CDC45: variants seen among roughly 807,000 people sequenced by gnomAD.
CDC45 encodes cell division cycle 45.
Under a neutral mutation model 77.8 loss-of-function variants are expected in CDC45, and 54 were observed. The observed-to-expected ratio is 0.69, with a 90% CI of 0.56 to 0.87. The LOEUF is 0.87. CDC45 is among the 40% of genes least tolerant of loss of function. The probability of loss-of-function intolerance (pLI) is 0.00; values close to 1 mark genes in which losing one functional copy is unlikely to be tolerated. For missense variants in CDC45, 649 were observed against 721.6 expected (o/e 0.90, Z 1.15); for synonymous variants, 260 against 272.1 (o/e 0.96, Z 0.44).
chr22:19,514,843 C>T lies in CDC45; in HGVS notation c.1312C>T (p.Leu438Phe), dbSNP rs749711414. Reference sequence around the variant, plus strand: ...CATTGCCAGCTGCCTTTGCACCAACCTCGTCATCTCCCAGGGGCCTTTCCT... The same window carrying T: ...CATTGCCAGCTGCCTTTGCACCAACTTCGTCATCTCCCAGGGGCCTTTCCT... The part of the protein sequence containing the change: ...QTIASCLCTN[L>F]VISQGPFLYC... Residue 438 changes from leucine to phenylalanine, a missense_variant, in exon 14 of 19, where the codon CTC becomes TTC. Coordinates refer to ENST00000263201, the MANE Select transcript of CDC45 (RefSeq NM_003504.5). 1.2e-6 allele frequency: 2 copies of T among 1,614,208 alleles called. No individual in the cohort carries two copies. The highest frequency in any genetic ancestry group is 1.1e-5 in the South Asian group (1 of 91,090).
rs13447221 is a variant in CDC45, at chr22:19,495,661, A to T, written c.543-320A>T. On this transcript the variant is annotated intron_variant, in intron 6 of 18. Coordinates refer to ENST00000263201, the MANE Select transcript of CDC45 (RefSeq NM_003504.5). ...AGTGAGACTTTGTCTCTATTAAAAA[A>T]TTTTTTTAAAATTAGCTGGGTGTAG... Among the ~76,000 whole-genome samples, 283 of 152,284 alleles carry T rather than the reference A, an allele frequency of 1.9e-3. 2 individuals carry two copies. The highest frequency in any genetic ancestry group is 6.0e-3 in the African/African-American group (248 of 41,548).
chr22:19,518,804 C>G, intron 17 of CDC45, 40 bp from the exon 18 acceptor site: 1 of 1,558,492 alleles, frequency 6.4e-7, no homozygotes, highest in Non-Finnish European at 8.9e-7. Flanking sequence ...TGTGTTCCCA[C>G]TCCTCCCTTC....
intron 9 of CDC45, 142 bp from the exon 10 acceptor site, chr22:19,505,220 T>C (rs1258295250): frequency 1.1e-6 from 1 of 875,248 alleles, no homozygotes; most frequent in Non-Finnish European, 1.8e-6. Context: ...GCAGGCTGCA[T>C]GTCCTTAGTC....
At chr22:19,507,130 CTT>C (rs372678497) in intron 10 of CDC45, among the ~76,000 whole-genome samples, 1 of 152,158 alleles carries the variant, frequency 6.6e-6, no homozygotes, top group African/African-American at 2.4e-5. Flanking sequence ...AGCACCTGGA[CTT>C]TGCAGACCCC....
intron 4 of CDC45, among the ~76,000 whole-genome samples, chr22:19,483,268 TA>T (rs1408827183): frequency 6.6e-6 from 1 of 152,052 alleles, no homozygotes; most frequent in Non-Finnish European, 1.5e-5. Flanking sequence ...CCGTCTCTAC[TA>T]AAAATACAAA....
intron 9 of CDC45, among the ~76,000 whole-genome samples, chr22:19,501,848 G>A (rs1291829566): frequency 4.6e-5 from 7 of 152,072 alleles, no homozygotes; most frequent in African/African-American, 7.2e-5. Context: ...CCATGTAGCC[G>A]GGACTACAGG....
intron 17 of CDC45, among the ~76,000 whole-genome samples, chr22:19,518,453 C>A (rs191620846): frequency 6.6e-6 from 1 of 152,162 alleles, no homozygotes; most frequent in East Asian, 1.9e-4. Flanking sequence ...ACACTGAAGC[C>A]GAGGAATTGG....
At chr22:19,488,713 T>C (rs1001723303) in intron 5 of CDC45, among the ~76,000 whole-genome samples, 2 of 152,192 alleles carry the variant, frequency 1.3e-5, no homozygotes, top group African/African-American at 4.8e-5. Flanking sequence ...TTAACAAATG[T>C]ATAAAGATGC....
chr22:19,481,063 T>A lies in CDC45; in HGVS notation c.204+18T>A, dbSNP rs2089973149. 2 of 1,518,366 alleles carry A rather than the reference T, an allele frequency of 1.3e-6. No individual in the cohort carries two copies. The highest frequency in any genetic ancestry group is 2.3e-5 in the South Asian group (2 of 88,078). The allele number at this position is 1,518,366 out of a possible 1,614,324, so 94.1% of individuals were successfully genotyped here. A position where few individuals can be genotyped will look rare whatever the true frequency, so the allele number is the denominator to read the frequency against. On this transcript the variant is annotated intron_variant, in intron 3 of 18. Coordinates refer to ENST00000263201, the MANE Select transcript of CDC45 (RefSeq NM_003504.5). The stretch of plus-strand genomic sequence containing the variant: ...AAGAACAGGTATTGAAGATGCGTTT[T>A]AGAATAACGTGGCTTTTTACTCAAT...
intron 13 of CDC45, among the ~76,000 whole-genome samples, chr22:19,511,485 C>T (rs73162627): frequency 0.047 from 7,135 of 152,058 alleles, 221 homozygotes; most frequent in Middle Eastern, 0.15. Flanking sequence ...CATGAGCTAC[C>T]ACACCTGCTA....
At chr22:19,511,947 G>A (rs546004174) in intron 13 of CDC45, among the ~76,000 whole-genome samples, 1 of 141,026 alleles carries the variant, frequency 7.1e-6, no homozygotes, top group Non-Finnish European at 1.5e-5. Context: ...TTGAGACAGG[G>A]TCTTACTCTG....
chr22:19,489,377 C>T, intron 5 of CDC45, among the ~76,000 whole-genome samples: 1 of 151,840 alleles, frequency 6.6e-6, no homozygotes, highest in Non-Finnish European at 1.5e-5. Context: ...GTAAGGATCC[C>T]TCTGTTGCCC....
intron 5 of CDC45, among the ~76,000 whole-genome samples, chr22:19,487,292 C>CAAAA (rs754969437): frequency 1.7e-5 from 1 of 59,500 alleles, no homozygotes; most frequent in Non-Finnish European, 3.5e-5. Flanking sequence ...ACTCTTGTCT[C>CAAAA]AAAAAAAAAA....
intron 6 of CDC45, 135 bp from the exon 7 acceptor site, chr22:19,495,846 C>A (rs1047440277): frequency 6.8e-6 from 5 of 733,874 alleles, no homozygotes; most frequent in Admixed American, 4.1e-5. Flanking sequence ...AACCAAGAGT[C>A]AATATGTGAA....
intron 9 of CDC45, among the ~76,000 whole-genome samples, chr22:19,501,891 T>C (rs1366193890): frequency 7.2e-5 from 11 of 152,074 alleles, no homozygotes; most frequent in Admixed American, 7.2e-4. Flanking sequence ...ATTTTTTTGA[T>C]TTTTTTGTAG....
At chr22:19,493,237 T>TG (rs1386724639) in intron 5 of CDC45, among the ~76,000 whole-genome samples, 1 of 17,800 alleles carries the variant, frequency 5.6e-5, no homozygotes, top group African/African-American at 1.3e-4. Context: ...GTTTTTTTTT[T>TG]TGTTGTTTTG....
chr22:19,494,503 C>T (rs1386771582), intron 6 of CDC45, 121 bp downstream of exon 6: 1 of 1,553,494 alleles, frequency 6.4e-7, no homozygotes, highest in Non-Finnish European at 8.7e-7. Context: ...AACCTTTGGG[C>T]CAGTGGCTCT....
intron 9 of CDC45, 30 bp from the exon 10 acceptor site, chr22:19,505,332 A>G (rs748940514): frequency 6.2e-7 from 1 of 1,614,006 alleles, no homozygotes; most frequent in Non-Finnish European, 8.5e-7. Context: ...GGAGGGAACC[A>G]GCCGAGGCTT....
chr22:19,485,910 C>CA (rs894458876), intron 5 of CDC45, among the ~76,000 whole-genome samples: 4 of 151,654 alleles, frequency 2.6e-5, no homozygotes, highest in African/African-American at 7.2e-5. Flanking sequence ...GAACCTGTCT[C>CA]AAAAAAAACA....
Sources: allele counts gnomAD v4.1 joint callset (sites outside exome capture counted in the v4.1 genomes callset), GRCh38; gene constraint gnomAD v4.1.1; transcripts MANE v1.5; gene names NCBI Gene and HGNC (gene_info 2026-07-23, HGNC 2026-07-21).